Variants in ASTN2 observed in about 807,000 individuals in gnomAD.
ASTN2 encodes astrotactin 2.
A neutral mutation model predicts 139.8 loss-of-function variants in ASTN2; 54 were observed. The observed-to-expected ratio is 0.39, with a 90% CI of 0.31 to 0.48. The LOEUF is 0.48. Among genes scored for constraint, ASTN2 ranks in the 20% least tolerant of loss-of-function variants. The probability of loss-of-function intolerance (pLI) is 0.95; values close to 1 mark genes in which losing one functional copy is unlikely to be tolerated. For synonymous variants in ASTN2, 756 were observed against 719.5 expected (o/e 1.05, Z -0.81); for missense variants, 1,565 against 1,725.1 (o/e 0.91, Z 1.64).
chr9:117,152,553 A>G (rs375997605), intron 3 of ASTN2, among the ~76,000 whole-genome samples: 1 of 152,268 alleles, frequency 6.6e-6, no homozygotes. Flanking sequence ...ATGCTTATCA[A>G]GTTTCTGCTT....
chr9:116,801,357 T>C (rs922099892), intron 13 of ASTN2, among the ~76,000 whole-genome samples: 1 of 147,538 alleles, frequency 6.8e-6, no homozygotes, highest in Admixed American at 6.7e-5. Flanking sequence ...CCAAGGGGGG[T>C]GGATCGCGAG....
intron 4 of ASTN2, among the ~76,000 whole-genome samples, chr9:117,127,575 A>G (rs1238016724): frequency 1.3e-5 from 2 of 151,750 alleles, no homozygotes; most frequent in Non-Finnish European, 2.9e-5. Flanking sequence ...TAGAGAGTTT[A>G]ATTATTGCAC....
intron 13 of ASTN2, among the ~76,000 whole-genome samples, chr9:116,746,557 CT>C (rs1245993116): frequency 6.6e-6 from 1 of 152,180 alleles, no homozygotes; most frequent in African/African-American, 2.4e-5. Flanking sequence ...TGAATGTTTT[CT>C]TTTCTATGTA....
At chr9:117,229,308 G>T (rs1265214268) in intron 2 of ASTN2, among the ~76,000 whole-genome samples, 1 of 152,144 alleles carries the variant, frequency 6.6e-6, no homozygotes, top group Non-Finnish European at 1.5e-5. Flanking sequence ...CTGAGATCTT[G>T]CTGTCACACA....
At chr9:116,946,551 T>C (rs1339199060) in intron 10 of ASTN2, among the ~76,000 whole-genome samples, 3 of 152,134 alleles carry the variant, frequency 2.0e-5, no homozygotes, top group African/African-American at 4.8e-5. Flanking sequence ...TAATGATCAC[T>C]GAGTGTTAGA....
At chr9:116,540,343 A>T (rs1275160629) in intron 19 of ASTN2, 3 of 152,368 alleles carry the variant, frequency 2.0e-5, no homozygotes, top group East Asian at 3.9e-4. Context: ...TCTTTTACTG[A>T]AAGAAACATG....
chr9:116,819,046 T>C (rs998684354), intron 12 of ASTN2, among the ~76,000 whole-genome samples: 19 of 152,206 alleles, frequency 1.2e-4, no homozygotes, highest in Non-Finnish European at 4.4e-5. Context: ...AGGCTTGCCT[T>C]ATGGCTAAGG....
chr9:116,806,509 C>A (rs935906887), intron 12 of ASTN2, among the ~76,000 whole-genome samples: 3 of 152,154 alleles, frequency 2.0e-5, no homozygotes, highest in Non-Finnish European at 2.9e-5. Context: ...GAGATCTCAG[C>A]CCCTGAAAAA....
intron 2 of ASTN2, among the ~76,000 whole-genome samples, chr9:117,248,334 C>T (rs1433591304): frequency 6.6e-6 from 1 of 152,176 alleles, no homozygotes; most frequent in African/African-American, 2.4e-5. Flanking sequence ...ACAGTAGCTA[C>T]TTGCTTAAGT....
chr9:116,818,319 C>T (rs1044178667), intron 12 of ASTN2, among the ~76,000 whole-genome samples: 12 of 152,198 alleles, frequency 7.9e-5, no homozygotes, highest in African/African-American at 2.9e-4. Flanking sequence ...GTTTTCCCTG[C>T]TTAATTCAAT....
intron 13 of ASTN2, among the ~76,000 whole-genome samples, chr9:116,738,532 G>A (rs938441768): frequency 6.6e-6 from 1 of 151,692 alleles, no homozygotes; most frequent in African/African-American, 2.4e-5. Flanking sequence ...CAGATGAAGG[G>A]TGCCCTAAAA....
At chr9:117,222,814 A>G (rs1455818126) in intron 2 of ASTN2, among the ~76,000 whole-genome samples, 1 of 152,042 alleles carries the variant, frequency 6.6e-6, no homozygotes. Context: ...CCTACCTTGT[A>G]TTAGAGTTGT....
chr9:116,530,152 A>ATATATAT (rs1564345877), intron 19 of ASTN2, among the ~76,000 whole-genome samples: 3 of 25,320 alleles, frequency 1.2e-4, no homozygotes, highest in Admixed American at 3.6e-4. Flanking sequence ...TATATATATA[A>ATATATAT]AATAGAATAT....
chr9:116,817,784 C>T (rs957574146), intron 12 of ASTN2, among the ~76,000 whole-genome samples: 15 of 152,202 alleles, frequency 9.9e-5, no homozygotes, highest in African/African-American at 3.6e-4. Flanking sequence ...TTACTGAGTG[C>T]TTAACTATGA....
At chr9:116,573,013 G>GCACACACACACA (rs143295727) in intron 19 of ASTN2, among the ~76,000 whole-genome samples, 14 of 136,890 alleles carry the variant, frequency 1.0e-4, no homozygotes, top group African/African-American at 2.9e-4. Context: ...GTGGGTACAT[G>GCACACACACACA]CACACACACA....
At chr9:116,809,206 G>A (rs1831103599) in intron 12 of ASTN2, among the ~76,000 whole-genome samples, 1 of 152,048 alleles carries the variant, frequency 6.6e-6, no homozygotes, top group Non-Finnish European at 1.5e-5. Flanking sequence ...TATTATTGTA[G>A]TATTGTATAT....
intron 5 of ASTN2, among the ~76,000 whole-genome samples, chr9:117,047,205 T>G (rs1198064041): frequency 6.6e-6 from 1 of 152,234 alleles, no homozygotes; most frequent in South Asian, 2.1e-4. Context: ...TATTTTAAAC[T>G]GGGGCTTTCT....
At chr9:116,493,076 G>C (rs111954281) in intron 19 of ASTN2, among the ~76,000 whole-genome samples, 3,302 of 152,228 alleles carry the variant, frequency 0.022, 123 homozygotes, top group African/African-American at 0.075. Flanking sequence ...TTCCAGAACT[G>C]TGCTGTATTC....
At chr9:116,977,715 C>CTTTTTTTTT (rs386416041) in intron 7 of ASTN2, among the ~76,000 whole-genome samples, 3 of 122,188 alleles carry the variant, frequency 2.5e-5, no homozygotes, top group Non-Finnish European at 3.4e-5. Flanking sequence ...ATTTCTTTTT[C>CTTTTTTTTT]TTTTTTTTTT....
Sources: allele counts gnomAD v4.1 joint callset (sites outside exome capture counted in the v4.1 genomes callset), GRCh38; gene constraint gnomAD v4.1.1; transcripts MANE v1.5; gene names NCBI Gene and HGNC (gene_info 2026-07-23, HGNC 2026-07-21).